The following HGD variants were observed in gnomAD, a reference collection of about 807,000 sequenced individuals.
HGD encodes homogentisate oxidase.
Under a neutral mutation model 60.8 loss-of-function variants are expected in HGD, and 61 were observed. The observed-to-expected ratio is 1.00, with a 90% CI of 0.82 to 1.24. The LOEUF is 1.24. Ranked by LOEUF, HGD falls within the 50% of genes most tolerant of loss-of-function variation. The probability of loss-of-function intolerance (pLI) is 0.00; values close to 1 mark genes in which losing one functional copy is unlikely to be tolerated. For missense variants in HGD, 542 were observed against 547.1 expected (o/e 0.99, Z 0.09); for synonymous variants, 212 against 187.7 (o/e 1.13, Z -1.06).
intron 4 of HGD, among the ~76,000 whole-genome samples, chr3:120,661,392 A>C (rs1279121223): frequency 2.0e-5 from 3 of 152,134 alleles, no homozygotes; most frequent in Non-Finnish European, 1.5e-5. Context: ...AATTATTTCA[A>C]ACAGTATTTA....
At position 120,650,800 on chromosome 3, in the gene HGD, G is replaced by A; in HGVS notation, c.408C>T (p.Phe136=). Residue 136 remains phenylalanine, a synonymous_variant, in exon 6 of 14, where the codon TTC becomes TTT. Coordinates refer to ENST00000283871, the MANE Select transcript of HGD (RefSeq NM_000187.4). ...TGTTCTCCATGGAGGTATTGCAGAG[G>A]AAAATGTGGATAGCAAGCCCATTGT... ...KSNNGLAIHI[F]LCNTSMENRC... 1 of 1,614,036 alleles carries A rather than the reference G, an allele frequency of 6.2e-7. No homozygotes were observed. The highest frequency in any genetic ancestry group is 8.5e-7 in the Non-Finnish European group (1 of 1,179,862).
rs557655651 is a variant in HGD, at chr3:120,651,979, G to A, written c.342+613C>T. 3.9e-5 allele frequency among the ~76,000 whole-genome samples: 6 copies of A among 152,164 alleles called. No individual in the cohort carries two copies. The East Asian group carries it at 1.2e-3, about 29-fold the overall frequency. ...TTTCTTTCAACTAATATGAATGTAGGCAAAAAACCACAGCAGTATTAGAGG... is the reference window on the plus strand; with the variant it reads ...TTTCTTTCAACTAATATGAATGTAGACAAAAAACCACAGCAGTATTAGAGG... On this transcript the variant is annotated intron_variant, in intron 5 of 13. Coordinates refer to ENST00000283871, the MANE Select transcript of HGD (RefSeq NM_000187.4).
intron 4 of HGD, among the ~76,000 whole-genome samples, chr3:120,653,451 C>T (rs1941402935): frequency 1.3e-5 from 2 of 152,146 alleles, no homozygotes; most frequent in South Asian, 4.1e-4. Context: ...CCACTGGCTG[C>T]AGCACCTGGT....
At chr3:120,638,403 G>A (rs1395718870) in intron 12 of HGD, 52 bp downstream of exon 12, 88 of 1,610,480 alleles carry the variant, frequency 5.5e-5, no homozygotes, top group Non-Finnish European at 7.3e-5. Context: ...AGCGCTCACT[G>A]CTTTGTTGTC....
chr3:120,656,147 A>AT (rs1449903395), intron 4 of HGD, among the ~76,000 whole-genome samples: 1 of 152,160 alleles, frequency 6.6e-6, no homozygotes, highest in Non-Finnish European at 1.5e-5. Flanking sequence ...CTATGTGAGG[A>AT]TACAGTAAGA....
chr3:120,637,626 C>T (rs931310135), intron 12 of HGD, among the ~76,000 whole-genome samples: 2 of 152,082 alleles, frequency 1.3e-5, no homozygotes, highest in Non-Finnish European at 2.9e-5. Context: ...CTCTGTCTCT[C>T]TCTGTCTCTC....
chr3:120,652,383 A>G (rs1268737707), intron 5 of HGD, among the ~76,000 whole-genome samples: 4 of 152,188 alleles, frequency 2.6e-5, no homozygotes, highest in African/African-American at 4.8e-5. Context: ...AGATATAAAT[A>G]GTTCATGAAT....
chr3:120,660,904 T>C (rs1379395817), intron 4 of HGD, among the ~76,000 whole-genome samples: 3 of 152,216 alleles, frequency 2.0e-5, no homozygotes, highest in African/African-American at 7.2e-5. Context: ...ACCTTGTCCT[T>C]GAATGTAAAG....
chr3:120,663,898 C>T (rs1332509158), intron 4 of HGD, among the ~76,000 whole-genome samples: 1 of 151,930 alleles, frequency 6.6e-6, no homozygotes, highest in Non-Finnish European at 1.5e-5. Context: ...TCTAAGACTG[C>T]ATTACACCAT....
intron 11 of HGD, among the ~76,000 whole-genome samples, chr3:120,640,683 T>G (rs1439030724): frequency 6.6e-6 from 1 of 152,248 alleles, no homozygotes; most frequent in Non-Finnish European, 1.5e-5. Flanking sequence ...GCAAAGGTAG[T>G]GAATCACAAA....
intron 10 of HGD, among the ~76,000 whole-genome samples, chr3:120,643,003 A>ATT (rs1340761620): frequency 1.3e-5 from 2 of 152,196 alleles, no homozygotes; most frequent in African/African-American, 4.8e-5. Flanking sequence ...TGCTTCTACA[A>ATT]TTGTGGTTCT....
chr3:120,641,270 T>G (rs1036137461), intron 11 of HGD, among the ~76,000 whole-genome samples: 1 of 152,214 alleles, frequency 6.6e-6, no homozygotes, highest in Admixed American at 6.5e-5. Context: ...ACCACCGACA[T>G]TAACACTTGG....
At position 120,664,106 on chromosome 3, in the gene HGD, T is replaced by C. The variant is rs541003950; in HGVS notation, c.282+6321A>G. ...GTGTGTGTTATCCCACATAACACCA[T>C]GTGTGATCCCAGCCAAATGGGGTAG... On this transcript the variant is annotated intron_variant, in intron 4 of 13. Coordinates refer to ENST00000283871, the MANE Select transcript of HGD (RefSeq NM_000187.4). Among the ~76,000 whole-genome samples, 18 of 152,264 alleles carry C rather than the reference T, an allele frequency of 1.2e-4. No homozygotes were observed. The East Asian group carries it at 2.1e-3, about 18-fold the overall frequency.
intron 4 of HGD, among the ~76,000 whole-genome samples, chr3:120,667,915 A>G (rs910187285): frequency 6.6e-6 from 1 of 152,186 alleles, no homozygotes; most frequent in Non-Finnish European, 1.5e-5. Flanking sequence ...TTGAATCCAC[A>G]TGAGACTCAG....
chr3:120,635,226 C>A (rs1001959148), intron 12 of HGD, among the ~76,000 whole-genome samples: 3 of 152,092 alleles, frequency 2.0e-5, no homozygotes, highest in Non-Finnish European at 2.9e-5. Flanking sequence ...GCCTGTAATC[C>A]CAGCACTTTG....
At chr3:120,631,574 T>C (rs137936481) in intron 13 of HGD, among the ~76,000 whole-genome samples, 208 of 152,374 alleles carry the variant, frequency 1.4e-3, no homozygotes, top group African/African-American at 4.9e-3. Context: ...CCATTGCTAT[T>C]GTCTCTTTGC....
chr3:120,631,062 A>C (rs979111331), intron 13 of HGD, among the ~76,000 whole-genome samples: 1 of 151,918 alleles, frequency 6.6e-6, no homozygotes, highest in African/African-American at 2.4e-5. Context: ...GGAGCAACAG[A>C]CACTGATGCC....
chr3:120,644,511 T>A, intron 9 of HGD, 68 bp from the exon 10 acceptor site: 2 of 1,610,356 alleles, frequency 1.2e-6, no homozygotes, highest in South Asian at 1.1e-5. Flanking sequence ...CATGGTTGCA[T>A]GAAGAGAAAG....
In HGD at chr3:120,633,254, C is replaced by T. The variant is rs765219004; in HGVS notation, c.1081G>A (p.Gly361Arg). ...GTCATTGTGCTGTGTAGACTCCCTC[C>T]CCCTGGCAGGAACCCACCTTGCTTT... Reference protein sequence around the residue: ...EAKQGGFLPGGGSLHSTMTPH... With the variant: ...EAKQGGFLPGRGSLHSTMTPH... Residue 361 changes from glycine (G) to arginine (R), a missense_variant, in exon 13 of 14, where the codon GGA (glycine) becomes AGA (arginine). Physicochemically the swap from Gly to Arg is moderately radical, Grantham distance 125. Coordinates refer to ENST00000283871, the MANE Select transcript of HGD (RefSeq NM_000187.4). 3.2e-5 allele frequency: 51 copies of T among 1,614,014 alleles called. No homozygotes were observed. Among genetic ancestry groups the T allele is most frequent in the Non-Finnish European group, 4.2e-5 (50 of 1,180,004 alleles).
Sources: allele counts gnomAD v4.1 joint callset (sites outside exome capture counted in the v4.1 genomes callset), GRCh38; gene constraint gnomAD v4.1.1; transcripts MANE v1.5; gene names NCBI Gene and HGNC (gene_info 2026-07-23, HGNC 2026-07-21).